The following AGBL4 variants were observed in gnomAD, a reference collection of about 807,000 sequenced individuals.
AGBL4 encodes the protein AGBL carboxypeptidase 4.
Under a neutral mutation model 66.4 loss-of-function variants are expected in AGBL4, and 58 were observed. The observed-to-expected ratio is 0.87, with a 90% CI of 0.71 to 1.09. The LOEUF (loss-of-function observed/expected upper bound fraction) is 1.09. Among genes scored for constraint, AGBL4 ranks in the 50% least tolerant of loss-of-function variants. AGBL4 has a pLI of 0.00. For synonymous variants in AGBL4, 234 were observed against 222.9 expected, an observed-to-expected ratio of 1.05 and a Z score of -0.44; for missense variants, 579 against 631.0, an observed-to-expected ratio of 0.92 and a Z score of 0.88.
chr1:49,728,936 C>A (rs1649228428), intron 2 of AGBL4, among the ~76,000 whole-genome samples: 1 of 152,126 alleles, frequency 6.6e-6, no homozygotes, highest in African/African-American at 2.4e-5. Context: ...AGATTAGTAA[C>A]AAAATGTCAA....
chr1:49,575,880 G>T (rs555635910), intron 3 of AGBL4, among the ~76,000 whole-genome samples: 2 of 152,170 alleles, frequency 1.3e-5, no homozygotes, highest in African/African-American at 4.8e-5. Flanking sequence ...TATTTGGAGA[G>T]ACCTTCATCG....
chr1:48,561,850 C>G (rs560883485), intron 11 of AGBL4, among the ~76,000 whole-genome samples: 1 of 152,180 alleles, frequency 6.6e-6, no homozygotes, highest in East Asian at 1.9e-4. Flanking sequence ...CATATCAGCT[C>G]TCCTGGGACT....
At chr1:50,001,981 T>C (rs1660791311) in intron 1 of AGBL4, among the ~76,000 whole-genome samples, 1 of 152,158 alleles carries the variant, frequency 6.6e-6, no homozygotes, top group African/African-American at 2.4e-5. Flanking sequence ...GTATTTTAGC[T>C]TTTTCCTGAT....
intron 3 of AGBL4, among the ~76,000 whole-genome samples, chr1:49,567,401 G>A (rs1644234428): frequency 1.3e-5 from 2 of 152,094 alleles, no homozygotes; most frequent in African/African-American, 4.8e-5. Context: ...CTCATGCTGG[G>A]TGCTGTAGAC....
intron 6 of AGBL4, among the ~76,000 whole-genome samples, chr1:48,798,954 T>C (rs2148740153): frequency 1.3e-5 from 2 of 152,366 alleles, no homozygotes; most frequent in Middle Eastern, 6.8e-3. Flanking sequence ...GGTAATGTGA[T>C]GCCTCCAGAT....
At chr1:49,562,563 G>A (rs978596908) in intron 3 of AGBL4, among the ~76,000 whole-genome samples, 23 of 152,198 alleles carry the variant, frequency 1.5e-4, no homozygotes, top group Admixed American at 7.2e-4. Flanking sequence ...TATTAAATAG[G>A]GAATCCTTTC....
At chr1:49,107,245 T>C (rs1002865944) in intron 4 of AGBL4, among the ~76,000 whole-genome samples, 4 of 152,206 alleles carry the variant, frequency 2.6e-5, no homozygotes, top group Non-Finnish European at 5.9e-5. Context: ...ACATGAGATA[T>C]TCAAAACTTT....
At chr1:49,786,741 C>T (rs375821364) in intron 2 of AGBL4, among the ~76,000 whole-genome samples, 1 of 152,086 alleles carries the variant, frequency 6.6e-6, no homozygotes, top group African/African-American at 2.4e-5. Context: ...TTTAACAGTG[C>T]TTGCTTTAGT....
intron 3 of AGBL4, among the ~76,000 whole-genome samples, chr1:49,646,111 A>G (rs1292758104): frequency 6.6e-6 from 1 of 151,898 alleles, no homozygotes; most frequent in African/African-American, 2.4e-5. Flanking sequence ...TAATATCAGG[A>G]TCAAGTCAAG....
chr1:49,449,659 C>T (rs766024541), intron 3 of AGBL4, among the ~76,000 whole-genome samples: 3 of 152,006 alleles, frequency 2.0e-5, no homozygotes, highest in East Asian at 1.9e-4. Context: ...TTGCCTGCCA[C>T]GAGCCCATAG....
At chr1:48,614,414 C>A (rs577653285) in intron 9 of AGBL4, among the ~76,000 whole-genome samples, 1 of 152,320 alleles carries the variant, frequency 6.6e-6, no homozygotes, top group Non-Finnish European at 1.5e-5. Flanking sequence ...GATTTGATTG[C>A]ATCTAACTCA....
intron 1 of AGBL4, among the ~76,000 whole-genome samples, chr1:49,876,082 G>A (rs1322658153): frequency 1.4e-4 from 21 of 148,848 alleles, no homozygotes; most frequent in African/African-American, 3.0e-4. Context: ...AGTAGGTTGC[G>A]AAAATTTTCT....
At chr1:49,634,207 C>G (rs763331614) in intron 3 of AGBL4, among the ~76,000 whole-genome samples, 5 of 152,038 alleles carry the variant, frequency 3.3e-5, no homozygotes, top group Non-Finnish European at 7.4e-5. Flanking sequence ...AATGCTATCT[C>G]TCCACTAGCC....
chr1:49,013,741 T>C (rs922188578), intron 5 of AGBL4, among the ~76,000 whole-genome samples: 1 of 152,132 alleles, frequency 6.6e-6, no homozygotes, highest in Non-Finnish European at 1.5e-5. Flanking sequence ...CACAGATCAC[T>C]AGGCTGGGAA....
At chr1:48,749,052 GAAGCCCACCC>G (rs1651236479) in intron 6 of AGBL4, among the ~76,000 whole-genome samples, 1 of 152,048 alleles carries the variant, frequency 6.6e-6, no homozygotes, top group African/African-American at 2.4e-5. Context: ...CCAAGGGGGA[GAAGCCCACCC>G]AGGAAGAAAG....
intron 3 of AGBL4, among the ~76,000 whole-genome samples, chr1:49,690,701 G>C (rs1446683292): frequency 6.6e-6 from 1 of 152,136 alleles, no homozygotes; most frequent in Non-Finnish European, 1.5e-5. Context: ...AATGTAATAA[G>C]TTGAATGACA....
chr1:48,966,091 C>T (rs964338729), intron 5 of AGBL4, among the ~76,000 whole-genome samples: 1 of 152,042 alleles, frequency 6.6e-6, no homozygotes, highest in Non-Finnish European at 1.5e-5. Flanking sequence ...ATTTTTCTTA[C>T]AGAATTGTTA....
At chr1:49,202,357 C>T (rs1374049092) in intron 4 of AGBL4, among the ~76,000 whole-genome samples, 2 of 152,104 alleles carry the variant, frequency 1.3e-5, no homozygotes, top group Admixed American at 6.6e-5. Context: ...GGAGACCTCA[C>T]ACTTCCTGAG....
At chr1:49,871,702 T>C (rs1646842647) in intron 1 of AGBL4, among the ~76,000 whole-genome samples, 1 of 152,142 alleles carries the variant, frequency 6.6e-6, no homozygotes, top group South Asian at 2.1e-4. Context: ...GTGTTATTAG[T>C]ATGTGTTTCA....
Sources: allele counts gnomAD v4.1 joint callset (sites outside exome capture counted in the v4.1 genomes callset), GRCh38; gene constraint gnomAD v4.1.1; transcripts MANE v1.5; gene names NCBI Gene and HGNC (gene_info 2026-07-23, HGNC 2026-07-21).